Variants in TRIO observed in about 807,000 individuals in gnomAD.
TRIO encodes trio Rho guanine nucleotide exchange factor.
TRIO carries 58 observed loss-of-function variants against 351.9 expected under a neutral mutation model. The ratio of observed to expected loss-of-function variants is 0.16; its 90% CI spans 0.13 to 0.21. The LOEUF is 0.21. TRIO is among the 10% of genes least tolerant of loss of function. The pLI is 1.00. For synonymous variants in TRIO, 1,758 were observed against 1,595.7 expected, an observed-to-expected ratio of 1.10 and a Z score of -2.42; for missense variants, 3,201 against 4,027.8, an observed-to-expected ratio of 0.79 and a Z score of 5.56.
At chr5:14,348,973 CTG>C (rs1023363587) in intron 11 of TRIO, among the ~76,000 whole-genome samples, 5 of 133,212 alleles carry the variant, frequency 3.8e-5, no homozygotes, top group Non-Finnish European at 7.9e-5. Flanking sequence ...TGTGTTTTTC[CTG>C]TGTGTATATG....
intron 11 of TRIO, among the ~76,000 whole-genome samples, chr5:14,342,943 A>G (rs1742071234): frequency 6.6e-6 from 1 of 152,222 alleles, no homozygotes; most frequent in African/African-American, 2.4e-5. Context: ...AAATAAGTCC[A>G]TCGTCAAGTT....
At chr5:14,207,909 A>G (rs1300460928) in intron 1 of TRIO, among the ~76,000 whole-genome samples, 1 of 152,242 alleles carries the variant, frequency 6.6e-6, no homozygotes, top group Admixed American at 6.5e-5. Flanking sequence ...TAAACACATC[A>G]GAAGATGTTC....
intron 7 of TRIO, among the ~76,000 whole-genome samples, chr5:14,303,211 G>C (rs1333603559): frequency 7.4e-6 from 1 of 135,076 alleles, no homozygotes; most frequent in African/African-American, 2.6e-5. Context: ...GAGATGGGGG[G>C]TGTCAGTGGA....
At chr5:14,168,533 G>A (rs1788915764) in intron 1 of TRIO, among the ~76,000 whole-genome samples, 1 of 152,344 alleles carries the variant, frequency 6.6e-6, no homozygotes, top group Admixed American at 6.5e-5. Context: ...GAGGATTGAT[G>A]TGCAATTTAT....
chr5:14,504,606 C>G lies in TRIO; in HGVS notation c.8612+13C>G. 6.2e-7 allele frequency: 1 copy of G among 1,613,186 alleles called. No individual in the cohort carries two copies. ...TGGTCTTAGAAATGTGCGTACACAC[C>G]TGGCCTTCCCTCTGCCCAGCCCTCT... On this transcript the variant is annotated intron_variant, in intron 55 of 56. Coordinates refer to ENST00000344204, the MANE Select transcript of TRIO (RefSeq NM_007118.4).
chr5:14,347,980 A>C (rs1421557858), intron 11 of TRIO, among the ~76,000 whole-genome samples: 8 of 152,226 alleles, frequency 5.3e-5, no homozygotes, highest in African/African-American at 1.9e-4. Context: ...GCATGTGTTT[A>C]ATGAAGAAAT....
At chr5:14,482,226 G>A (rs184143218) in intron 45 of TRIO, among the ~76,000 whole-genome samples, 83 of 152,242 alleles carry the variant, frequency 5.5e-4, no homozygotes, top group African/African-American at 1.9e-3. Context: ...CACAGAGGCC[G>A]TTGGAGGGCT....
At chr5:14,439,040 G>T (rs534804591) in intron 34 of TRIO, among the ~76,000 whole-genome samples, 3 of 151,966 alleles carry the variant, frequency 2.0e-5, no homozygotes, top group Non-Finnish European at 4.4e-5. Flanking sequence ...TTGTTTGTTT[G>T]AGATGGAGTC....
intron 18 of TRIO, among the ~76,000 whole-genome samples, chr5:14,373,175 G>C (rs409214): frequency 0.84 from 127,489 of 152,206 alleles, 53,538 homozygotes; most frequent in Middle Eastern, 0.85. Flanking sequence ...GGTTTCTACC[G>C]CTGACATGTG....
intron 40 of TRIO, 77 bp from the exon 41 acceptor site, chr5:14,476,817 A>T: frequency 3.9e-6 from 5 of 1,290,690 alleles, no homozygotes; most frequent in Non-Finnish European, 5.4e-6. Flanking sequence ...AAAAAGAAAA[A>T]GAAAAAATGT....
At chr5:14,299,617 C>T (rs1243497907) in intron 7 of TRIO, among the ~76,000 whole-genome samples, 4 of 152,180 alleles carry the variant, frequency 2.6e-5, no homozygotes, top group Non-Finnish European at 5.9e-5. Context: ...AGAGCAATCC[C>T]AAGACTAGGT....
chr5:14,373,733 A>C (rs998808586), intron 18 of TRIO, among the ~76,000 whole-genome samples: 1 of 152,218 alleles, frequency 6.6e-6, no homozygotes, highest in South Asian at 2.1e-4. Flanking sequence ...TTTACCTGTC[A>C]CCTGTGGCTG....
chr5:14,492,236 G>A (rs1014312987), intron 48 of TRIO: 47 of 332,068 alleles, frequency 1.4e-4, no homozygotes, highest in Non-Finnish European at 2.3e-4. Context: ...GTAACCTAAC[G>A]TGGCGTCAGC....
intron 54 of TRIO, among the ~76,000 whole-genome samples, chr5:14,503,616 C>T (rs574292006): frequency 3.6e-4 from 55 of 152,332 alleles, no homozygotes; most frequent in African/African-American, 1.3e-3. Context: ...GGAGCAGGAG[C>T]GTCAAGGCCT....
At chr5:14,365,882 A>C (rs1579441823) in intron 15 of TRIO, among the ~76,000 whole-genome samples, 1 of 152,298 alleles carries the variant, frequency 6.6e-6, no homozygotes, top group East Asian at 1.9e-4. Flanking sequence ...CCAAATTATC[A>C]GGAAGGGGAA....
At chr5:14,147,381 A>G (rs1348204566) in intron 1 of TRIO, among the ~76,000 whole-genome samples, 1 of 152,016 alleles carries the variant, frequency 6.6e-6, no homozygotes, top group Admixed American at 6.6e-5. Context: ...TTTTATTGCC[A>G]ATCTATTTTG....
chr5:14,148,386 T>C (rs1223308127), intron 1 of TRIO, among the ~76,000 whole-genome samples: 1 of 151,934 alleles, frequency 6.6e-6, no homozygotes, highest in Non-Finnish European at 1.5e-5. Flanking sequence ...CAATATTTAC[T>C]TTGTTTATTT....
At chr5:14,488,842 CAG>C (rs1444229240) in intron 48 of TRIO, 7 of 693,638 alleles carry the variant, frequency 1.0e-5, no homozygotes, top group African/African-American at 7.0e-5. Flanking sequence ...CTCTGGAAGA[CAG>C]AGACTGCTCT....
intron 34 of TRIO, among the ~76,000 whole-genome samples, chr5:14,436,513 C>G (rs938263309): frequency 6.6e-6 from 1 of 152,160 alleles, no homozygotes; most frequent in Non-Finnish European, 1.5e-5. Flanking sequence ...AACAGTCCCC[C>G]AAAGTCTTAT....
Sources: allele counts gnomAD v4.1 joint callset (sites outside exome capture counted in the v4.1 genomes callset), GRCh38; gene constraint gnomAD v4.1.1; transcripts MANE v1.5; gene names NCBI Gene and HGNC (gene_info 2026-07-23, HGNC 2026-07-21).